Variants in FBXL17 observed in about 807,000 individuals in gnomAD.
FBXL17 encodes the protein F-box and leucine rich repeat protein 17.
Under a neutral mutation model 66.2 loss-of-function variants are expected in FBXL17, and 22 were observed. The observed-to-expected ratio is 0.33, with a 90% CI of 0.24 to 0.47. The LOEUF (loss-of-function observed/expected upper bound fraction) is 0.47. Among genes scored for constraint, FBXL17 ranks in the 20% least tolerant of loss-of-function variants. The pLI, the probability that FBXL17 is intolerant of heterozygous loss-of-function variation, is 1.00. For synonymous variants in FBXL17, 474 were observed against 400.5 expected (o/e 1.18, Z -2.19); for missense variants, 878 against 948.2 (o/e 0.93, Z 0.97).
At chr5:108,089,510 A>G (rs925216400) in intron 6 of FBXL17, among the ~76,000 whole-genome samples, 9 of 152,014 alleles carry the variant, frequency 5.9e-5, no homozygotes, top group African/African-American at 2.4e-5. Flanking sequence ...TCTCTTCTTA[A>G]TCTCTACCTC....
chr5:108,158,471 A>G (rs1261032313), intron 6 of FBXL17, among the ~76,000 whole-genome samples: 1 of 150,612 alleles, frequency 6.6e-6, no homozygotes, highest in Non-Finnish European at 1.5e-5. Context: ...TAAAACTATA[A>G]CTGTAAAGCA....
intron 5 of FBXL17, among the ~76,000 whole-genome samples, chr5:108,195,036 T>C (rs1170090364): frequency 6.6e-6 from 1 of 152,162 alleles, no homozygotes; most frequent in African/African-American, 2.4e-5. Context: ...ATGTAGTCAA[T>C]AACTATTGAT....
rs1392872083 is a variant in FBXL17, at chr5:107,881,094, G to C, written c.1908C>G (p.Thr636=). 3 of 1,613,962 alleles carry C rather than the reference G, an allele frequency of 1.9e-6. No individual in the cohort carries two copies. The highest frequency in any genetic ancestry group is 2.5e-6 in the Non-Finnish European group (3 of 1,179,964). Residue 636 remains threonine (T), a synonymous_variant, in exon 8 of 9, where the codon ACC becomes ACG. Transcript: ENST00000542267. ...GAGACTTGCTGCTCTGTGCAATCAG[G>C]GTGGCTCCTTGGTCTGTGATTTCTT... ...WCKEITDQGA[T]LIAQSSKSLR...
chr5:108,239,648 C>T (rs994421691), intron 4 of FBXL17, among the ~76,000 whole-genome samples: 4 of 152,122 alleles, frequency 2.6e-5, no homozygotes, highest in African/African-American at 9.7e-5. Flanking sequence ...ACTGCAATTC[C>T]TAAGCAAGTC....
chr5:107,978,619 G>A (rs190946953), intron 7 of FBXL17, among the ~76,000 whole-genome samples: 4 of 152,068 alleles, frequency 2.6e-5, no homozygotes, highest in Admixed American at 2.6e-4. Flanking sequence ...TCTGTCTATG[G>A]CCCTGACCCA....
chr5:108,196,733 A>G (rs1292997843), intron 5 of FBXL17, among the ~76,000 whole-genome samples: 1 of 152,188 alleles, frequency 6.6e-6, no homozygotes. Flanking sequence ...CTGCGGCTAC[A>G]TGCTTTTAAA....
At chr5:108,037,812 T>C (rs1374171277) in intron 6 of FBXL17, among the ~76,000 whole-genome samples, 1 of 152,198 alleles carries the variant, frequency 6.6e-6, no homozygotes, top group Non-Finnish European at 1.5e-5. Context: ...TTAGTTATTA[T>C]TACTTGAATT....
At chr5:107,947,390 A>G (rs1751349971) in intron 7 of FBXL17, among the ~76,000 whole-genome samples, 4 of 152,210 alleles carry the variant, frequency 2.6e-5, no homozygotes, top group Admixed American at 2.6e-4. Flanking sequence ...AAATATGCCC[A>G]CCAGGCCACT....
rs575000884 is a variant in FBXL17 at position 108,127,194 on chromosome 5, C to A, written c.1745+58923G>T. Among the ~76,000 whole-genome samples the A allele has an allele frequency of 3.0e-4, 45 of 152,250 alleles. 2 individuals carry two copies. The South Asian group carries it at 9.1e-3, about 31-fold the overall frequency. ...AAAGTAATTATAAATTTGGAAGACA[C>A]CAACACTTATGTCTTTGTAGAAGTG... On this transcript the variant is annotated intron_variant, in intron 6 of 8. Transcript: ENST00000542267.
At chr5:108,266,104 A>AT (rs888429888) in intron 4 of FBXL17, among the ~76,000 whole-genome samples, 25 of 151,316 alleles carry the variant, frequency 1.7e-4, no homozygotes, top group Admixed American at 5.3e-4. Context: ...AAAATATACG[A>AT]TTTTTTTTTC....
intron 6 of FBXL17, among the ~76,000 whole-genome samples, chr5:108,157,836 T>C (rs1752052239): frequency 6.6e-6 from 1 of 152,054 alleles, no homozygotes; most frequent in African/African-American, 2.4e-5. Context: ...ATCAATTCTA[T>C]CTATATACCA....
chr5:108,304,178 C>T lies in FBXL17; in HGVS notation c.1506+44221G>A, dbSNP rs1010840059. Among the ~76,000 whole-genome samples the T allele has an allele frequency of 3.9e-5, 6 of 151,946 alleles. No homozygotes were observed. In the East Asian group the frequency reaches 5.8e-4, roughly 15 times the overall value. On this transcript the variant is annotated intron_variant, in intron 4 of 8. Coordinates refer to ENST00000542267, the MANE Select transcript of FBXL17 (RefSeq NM_001163315.3). ...CTTTGATAGTTGTTTTAAATAAATT[C>T]GCAGCAGCCAAAATTTCTATGAAAA...
At chr5:108,037,273 T>G (rs1388719905) in intron 6 of FBXL17, among the ~76,000 whole-genome samples, 1 of 152,196 alleles carries the variant, frequency 6.6e-6, no homozygotes, top group Non-Finnish European at 1.5e-5. Context: ...AAACTCATTT[T>G]ACACTTCTTG....
intron 6 of FBXL17, among the ~76,000 whole-genome samples, chr5:108,090,663 A>C (rs1749152896): frequency 6.6e-6 from 1 of 152,344 alleles, no homozygotes; most frequent in Admixed American, 6.5e-5. Flanking sequence ...TATAATTTTC[A>C]TATCATGATA....
At chr5:107,999,493 CACAT>C (rs1322415227) in intron 7 of FBXL17, among the ~76,000 whole-genome samples, 57 of 149,500 alleles carry the variant, frequency 3.8e-4, no homozygotes, top group Middle Eastern at 3.5e-3. Flanking sequence ...ACCACACACA[CACAT>C]ACAAATTTTT....
chr5:108,233,221 T>A (rs932778784), intron 4 of FBXL17, among the ~76,000 whole-genome samples: 2 of 152,132 alleles, frequency 1.3e-5, no homozygotes, highest in Admixed American at 1.3e-4. Context: ...ATTTTCTTAA[T>A]GGTGTTCTTA....
chr5:108,124,616 A>G (rs1455319663), intron 6 of FBXL17, among the ~76,000 whole-genome samples: 1 of 152,108 alleles, frequency 6.6e-6, no homozygotes, highest in Admixed American at 6.5e-5. Context: ...CACTTTAATA[A>G]GAGTGCTACC....
intron 4 of FBXL17, among the ~76,000 whole-genome samples, chr5:108,311,604 T>C (rs1304118664): frequency 1.3e-5 from 2 of 152,210 alleles, no homozygotes; most frequent in Non-Finnish European, 1.5e-5. Context: ...CCACCACTGG[T>C]ATCTCTCCTT....
chr5:108,215,060 GAAT>G (rs1372047072), intron 5 of FBXL17, among the ~76,000 whole-genome samples: 1 of 152,112 alleles, frequency 6.6e-6, no homozygotes, highest in Non-Finnish European at 1.5e-5. Context: ...TTTCATGGCT[GAAT>G]AATATTCCTC....
Sources: gnomAD v4.1 joint callset for allele counts (sites outside exome capture counted in the v4.1 genomes callset) on GRCh38, gnomAD v4.1.1 for gene constraint, MANE v1.5 for transcripts, NCBI Gene and HGNC (gene_info 2026-07-23, HGNC 2026-07-21) for gene names.